Variants in HCN1 observed in about 807,000 individuals in gnomAD.
HCN1 encodes hyperpolarization activated cyclic nucleotide gated potassium channel 1.
HCN1 carries 13 observed loss-of-function variants against 78.9 expected under a neutral mutation model. The ratio of observed to expected loss-of-function variants is 0.16; its 90% CI spans 0.11 to 0.26. The LOEUF (loss-of-function observed/expected upper bound fraction) is 0.26, where lower values mean the gene tolerates loss of function less well. Among genes scored for constraint, HCN1 ranks in the 10% least tolerant of loss-of-function variants. The pLI is 1.00. For missense variants in HCN1, 810 were observed against 1,154.3 expected, an observed-to-expected ratio of 0.70 and a Z score of 4.32; for synonymous variants, 552 against 455.5, an observed-to-expected ratio of 1.21 and a Z score of -2.70.
At chr5:45,509,209 T>C (rs1742362548) in intron 2 of HCN1, among the ~76,000 whole-genome samples, 1 of 152,106 alleles carries the variant, frequency 6.6e-6, no homozygotes, top group South Asian at 2.1e-4. Context: ...GTGCACCTCA[T>C]AGCAGAGCGG....
At chr5:45,617,602 T>C (rs913715841) in intron 2 of HCN1, among the ~76,000 whole-genome samples, 6 of 152,098 alleles carry the variant, frequency 3.9e-5, no homozygotes, top group African/African-American at 9.7e-5. Flanking sequence ...AACAAAATGG[T>C]ATGGTGAACT....
intron 3 of HCN1, among the ~76,000 whole-genome samples, chr5:45,444,992 G>A (rs934673821): frequency 3.3e-5 from 5 of 152,154 alleles, no homozygotes; most frequent in Admixed American, 3.3e-4. Context: ...TTCCATCTGA[G>A]GTACCAGGTT....
intron 1 of HCN1, among the ~76,000 whole-genome samples, chr5:45,692,031 C>A (rs1231350101): frequency 6.6e-6 from 1 of 152,160 alleles, no homozygotes. Context: ...AAGATGTTGG[C>A]TGGCAATACA....
At chr5:45,637,242 C>T (rs924116192) in intron 2 of HCN1, among the ~76,000 whole-genome samples, 2 of 152,290 alleles carry the variant, frequency 1.3e-5, no homozygotes, top group Admixed American at 1.3e-4. Context: ...CTCCCTACCA[C>T]ACACTCATAT....
chr5:45,632,035 T>C (rs139839939), intron 2 of HCN1, among the ~76,000 whole-genome samples: 16 of 152,274 alleles, frequency 1.1e-4, no homozygotes, highest in African/African-American at 3.8e-4. Context: ...ATCTTGAATT[T>C]AGTCATCTCC....
intron 4 of HCN1, among the ~76,000 whole-genome samples, chr5:45,374,274 A>ATGTACATTATATACATAATATATATATTG (rs1561130493): frequency 8.2e-5 from 8 of 97,226 alleles, no homozygotes; most frequent in East Asian, 6.9e-4. Flanking sequence ...CATATATATT[A>ATGTACATTATATACATAATATATATATTG]TATACATTAT....
intron 2 of HCN1, chr5:45,642,923 G>T (rs1745482401): frequency 6.6e-6 from 1 of 152,072 alleles, no homozygotes; most frequent in Non-Finnish European, 1.5e-5. Context: ...GATATTATAT[G>T]GGGGTATCAT....
chr5:45,464,972 A>T lies in HCN1; in HGVS notation c.850-2965T>A, dbSNP rs150465362. Among the ~76,000 whole-genome samples the T allele has an allele frequency of 1.1e-3, 164 of 152,282 alleles. 1 individual carries two copies. The highest frequency in any genetic ancestry group is 6.4e-3 in the East Asian group (33 of 5,170). On this transcript the variant is annotated intron_variant, in intron 2 of 7. Coordinates refer to ENST00000303230, the MANE Select transcript of HCN1 (RefSeq NM_021072.4). ...AGCTTGTAGGATAAATCTAAGTGTGACTTTATTCACCTTACTAATCAAGTG... is the reference window on the plus strand; with the variant it reads ...AGCTTGTAGGATAAATCTAAGTGTGTCTTTATTCACCTTACTAATCAAGTG...
At chr5:45,627,860 T>C (rs572977109) in intron 2 of HCN1, among the ~76,000 whole-genome samples, 2 of 152,166 alleles carry the variant, frequency 1.3e-5, no homozygotes, top group African/African-American at 2.4e-5. Flanking sequence ...AAAAATGTCA[T>C]AACATAATCA....
At chr5:45,531,663 A>AT (rs1331016677) in intron 2 of HCN1, among the ~76,000 whole-genome samples, 1 of 151,824 alleles carries the variant, frequency 6.6e-6, no homozygotes, top group Non-Finnish European at 1.5e-5. Context: ...TGTCATTCTG[A>AT]TTTTTTTGCC....
In HCN1 at chr5:45,262,140, G is replaced by T; in HGVS notation, c.2454C>A (p.Pro818=). 1 of 1,613,542 alleles carries T rather than the reference G, an allele frequency of 6.2e-7. No individual in the cohort carries two copies. Among genetic ancestry groups the T allele is most frequent in the Non-Finnish European group, 8.5e-7 (1 of 1,179,712 alleles). Residue 818 remains proline, a synonymous_variant, in exon 8 of 8, where the codon CCC becomes CCA. Coordinates refer to ENST00000303230, the MANE Select transcript of HCN1 (RefSeq NM_021072.4). ...VGESLASIPQ[P]VTAVPGTGLQ... ...GGCCCGTTCCGGGGACCGCCGTCACGGGTTGAGGGATGGAGGCCAGGGACT... is the reference window on the plus strand; with the variant it reads ...GGCCCGTTCCGGGGACCGCCGTCACTGGTTGAGGGATGGAGGCCAGGGACT...
At chr5:45,658,627 C>T (rs2112053115) in intron 1 of HCN1, among the ~76,000 whole-genome samples, 1 of 151,812 alleles carries the variant, frequency 6.6e-6, no homozygotes, top group East Asian at 2.0e-4. Flanking sequence ...CAGGGCGAGG[C>T]ATTGCCTCAC....
At chr5:45,616,243 A>C (rs1004736750) in intron 2 of HCN1, among the ~76,000 whole-genome samples, 8 of 151,974 alleles carry the variant, frequency 5.3e-5, no homozygotes, top group Non-Finnish European at 1.0e-4. Context: ...TAACGTGATA[A>C]TACATGGAGC....
At chr5:45,343,481 G>A (rs187980197) in intron 5 of HCN1, among the ~76,000 whole-genome samples, 142 of 152,296 alleles carry the variant, frequency 9.3e-4, no homozygotes, top group Admixed American at 2.6e-3. Flanking sequence ...AATGTAAGAT[G>A]TATTACTAAA....
chr5:45,382,180 G>A (rs958607329), intron 4 of HCN1, among the ~76,000 whole-genome samples: 1 of 152,120 alleles, frequency 6.6e-6, no homozygotes, highest in African/African-American at 2.4e-5. Flanking sequence ...AACCCTTCTA[G>A]GAGAATAGAG....
chr5:45,358,975 C>G (rs1345538850), intron 4 of HCN1, among the ~76,000 whole-genome samples: 3 of 152,074 alleles, frequency 2.0e-5, no homozygotes, highest in Non-Finnish European at 4.4e-5. Context: ...TTCTTCTGCT[C>G]TAACTCTGAC....
intron 5 of HCN1, among the ~76,000 whole-genome samples, chr5:45,320,741 A>T (rs1746107574): frequency 6.6e-6 from 1 of 151,900 alleles, no homozygotes; most frequent in African/African-American, 2.4e-5. Context: ...TATGTTTGCA[A>T]AGACAGACAT....
At chr5:45,297,094 A>T (rs1221296307) in intron 6 of HCN1, among the ~76,000 whole-genome samples, 1 of 152,084 alleles carries the variant, frequency 6.6e-6, no homozygotes, top group Non-Finnish European at 1.5e-5. Context: ...AGATTTACCC[A>T]CATATTTATT....
intron 3 of HCN1, among the ~76,000 whole-genome samples, chr5:45,398,738 A>G (rs1428677017): frequency 6.6e-6 from 1 of 152,188 alleles, no homozygotes; most frequent in African/African-American, 2.4e-5. Context: ...AGAAAGTTTA[A>G]TTTAAAAATT....
Sources: allele counts gnomAD v4.1 joint callset (sites outside exome capture counted in the v4.1 genomes callset), GRCh38; gene constraint gnomAD v4.1.1; transcripts MANE v1.5; gene names NCBI Gene and HGNC (gene_info 2026-07-23, HGNC 2026-07-21).